Variants in FRMD3 observed in about 807,000 individuals in gnomAD.
FRMD3 encodes FERM domain containing 3.
FRMD3 carries 33 observed loss-of-function variants against 70.2 expected under a neutral mutation model. The observed-to-expected ratio is 0.47, with a 90% CI of 0.36 to 0.63. The LOEUF (loss-of-function observed/expected upper bound fraction) is 0.63. Ranked by LOEUF, FRMD3 falls within the 20% of genes least tolerant of loss-of-function variation. The probability of loss-of-function intolerance (pLI) is 0.00; values close to 1 mark genes in which losing one functional copy is unlikely to be tolerated. For missense variants in FRMD3, 632 were observed against 711.4 expected, an observed-to-expected ratio of 0.89 and a Z score of 1.27; for synonymous variants, 279 against 255.9, an observed-to-expected ratio of 1.09 and a Z score of -0.86.
intron 6 of FRMD3, among the ~76,000 whole-genome samples, chr9:83,320,091 A>G (rs1835736891): frequency 6.6e-6 from 1 of 152,228 alleles, no homozygotes; most frequent in Admixed American, 6.5e-5. Flanking sequence ...TAGAAACCAT[A>G]CCATCAGCAA....
intron 1 of FRMD3, among the ~76,000 whole-genome samples, chr9:83,513,575 T>C (rs1829386953): frequency 6.6e-6 from 1 of 152,232 alleles, no homozygotes; most frequent in African/African-American, 2.4e-5. Flanking sequence ...GTCCTTTATT[T>C]CTTCATACAA....
chr9:83,299,090 A>G, intron 11 of FRMD3, 22 bp downstream of exon 11: 1 of 1,555,594 alleles, frequency 6.4e-7, no homozygotes, highest in East Asian at 2.2e-5. Context: ...CCCCTCACTG[A>G]AATGGAACCA....
At chr9:83,418,560 T>A (rs1480269421) in intron 1 of FRMD3, among the ~76,000 whole-genome samples, 1 of 152,118 alleles carries the variant, frequency 6.6e-6, no homozygotes, top group Non-Finnish European at 1.5e-5. Flanking sequence ...GGAATGCAGA[T>A]TAAAACCACA....
chr9:83,313,451 A>G (rs566203935), intron 7 of FRMD3, among the ~76,000 whole-genome samples: 1 of 152,308 alleles, frequency 6.6e-6, no homozygotes, highest in East Asian at 1.9e-4. Context: ...TGGCTACTAC[A>G]TGGCAATCAA....
chr9:83,417,510 T>C (rs899491157), intron 1 of FRMD3, among the ~76,000 whole-genome samples: 1 of 152,236 alleles, frequency 6.6e-6, no homozygotes, highest in Non-Finnish European at 1.5e-5. Context: ...TATTTTCCTA[T>C]GTTTCCTATA....
rs112255387 is a variant in FRMD3 at position 83,312,733 on chromosome 9, G to A, written c.685-758C>T. Among the ~76,000 whole-genome samples the A allele has an allele frequency of 8.7e-3, 1,319 of 152,074 alleles. 17 individuals are homozygous for A. Among genetic ancestry groups the A allele is most frequent in the African/African-American group, 0.029 (1,216 of 41,456 alleles). ...GAAACACCTGGGTAGCCTGGTCGCC[G>A]CACCCACCACTCCCCCTCCGCCGCC... On this transcript the variant is annotated intron_variant, in intron 7 of 13. Coordinates refer to ENST00000304195, the MANE Select transcript of FRMD3 (RefSeq NM_174938.6).
In FRMD3 at chr9:83,483,294, G is replaced by C. The variant is rs151111701; in HGVS notation, c.147+54791C>G. ...CTTTGCCCTTCTGCCATGACTGTAA[G>C]TTTCCTAAGGCCTTCCCAACCAGGC... is the stretch of plus-strand genomic sequence containing the variant. On this transcript the variant is annotated intron_variant, in intron 1 of 13. Coordinates refer to ENST00000304195, the MANE Select transcript of FRMD3 (RefSeq NM_174938.6). 1.6e-3 allele frequency among the ~76,000 whole-genome samples: 247 copies of C among 152,234 alleles called. 1 individual carries two copies. The highest frequency in any genetic ancestry group is 5.6e-3 in the African/African-American group (233 of 41,544).
the FRMD3 span, among the ~76,000 whole-genome samples, chr9:83,554,856 T>A: frequency 1.6e-3 from 245 of 152,190 alleles, 1 homozygote; most frequent in African/African-American, 5.7e-3. Flanking sequence ...CACAGTCTGG[T>A]CACTTTTCTG....
intron 1 of FRMD3, among the ~76,000 whole-genome samples, chr9:83,417,522 G>T (rs1260975192): frequency 6.6e-6 from 1 of 152,084 alleles, no homozygotes; most frequent in Non-Finnish European, 1.5e-5. Flanking sequence ...TTTCCTATAT[G>T]GAAACAGTTC....
chr9:83,367,636 G>T (rs1014170838), intron 3 of FRMD3, among the ~76,000 whole-genome samples: 1 of 152,192 alleles, frequency 6.6e-6, no homozygotes, highest in Non-Finnish European at 1.5e-5. Context: ...CCTAATTAAG[G>T]CTTGAGGAAT....
the FRMD3 span, among the ~76,000 whole-genome samples, chr9:83,555,618 T>A: frequency 6.6e-6 from 1 of 152,186 alleles, no homozygotes; most frequent in Non-Finnish European, 1.5e-5. Flanking sequence ...TGAAGTGTCA[T>A]GGAATTAGGG....
rs1554713917 is a variant in FRMD3, at chr9:83,507,736, A to ATATATATCTATC, written c.147+30348_147+30349insGATAGATATATA. ...TATATATATATATATATATATATAT[A>ATATATATCTATC]TATCTTCTGGAATATTTCCTGAAGG... On this transcript the variant is annotated intron_variant, in intron 1 of 13. Coordinates refer to ENST00000304195, the MANE Select transcript of FRMD3 (RefSeq NM_174938.6). Among the ~76,000 whole-genome samples the ATATATATCTATC allele has an allele frequency of 9.5e-4, 84 of 88,688 alleles. 5 individuals are homozygous for ATATATATCTATC. Among genetic ancestry groups the ATATATATCTATC allele is most frequent in the Non-Finnish European group, 1.4e-3 (58 of 42,238 alleles). The allele number at this position is 88,688 out of a possible 152,430, so 58.2% of individuals were successfully genotyped here. A position where few individuals can be genotyped will look rare whatever the true frequency, so the allele number is the denominator to read the frequency against.
At chr9:83,307,964 T>C (rs966097172) in intron 10 of FRMD3, among the ~76,000 whole-genome samples, 1 of 152,202 alleles carries the variant, frequency 6.6e-6, no homozygotes, top group African/African-American at 2.4e-5. Context: ...GAAGGCCAAC[T>C]GGTCTCCTTC....
chr9:83,376,941 G>A (rs73648541), intron 2 of FRMD3, among the ~76,000 whole-genome samples: 4,986 of 130,550 alleles, frequency 0.038, 260 homozygotes, highest in African/African-American at 0.13. Context: ...ACCGGCACCC[G>A]TTATTAAGAA....
chr9:83,463,030 G>T (rs1014983387), intron 1 of FRMD3, among the ~76,000 whole-genome samples: 3 of 152,124 alleles, frequency 2.0e-5, no homozygotes, highest in Non-Finnish European at 4.4e-5. Flanking sequence ...CCCTAATCTT[G>T]CTAGATTGCA....
chr9:83,533,022 CCT>C (rs980376755), intron 1 of FRMD3, among the ~76,000 whole-genome samples: 1 of 152,096 alleles, frequency 6.6e-6, no homozygotes, highest in Non-Finnish European at 1.5e-5. Context: ...CTGAAGTTGC[CCT>C]CTCTCTGGAC....
intron 1 of FRMD3, among the ~76,000 whole-genome samples, chr9:83,512,438 G>A (rs146593823): frequency 1.1e-3 from 169 of 152,318 alleles, no homozygotes; most frequent in Middle Eastern, 3.4e-3. Context: ...GAGTGGCTGG[G>A]AGTATCACTT....
At position 83,298,789 on chromosome 9, in the gene FRMD3, C is replaced by T. The variant is rs1483430223; in HGVS notation, c.1029G>A (p.Glu343=). The change falls in exon 12 of 14, where the codon GAG becomes GAA. Residue 343 remains glutamate (E), a synonymous_variant. Transcript: ENST00000304195. ...YSGKVAKEVV[E]ASSKIQREPP... ...GCTCCCTCTGGATCTTGGAACTGGC[C>T]TCCACCACCTCTTTGGCAACTTTCC... 1 of 1,614,240 alleles carries T rather than the reference C, an allele frequency of 6.2e-7. No homozygotes were observed. The highest frequency in any genetic ancestry group is 1.7e-5 in the Admixed American group (1 of 60,034).
At chr9:83,498,974 C>A (rs1829004604) in intron 1 of FRMD3, among the ~76,000 whole-genome samples, 2 of 152,056 alleles carry the variant, frequency 1.3e-5, no homozygotes, top group African/African-American at 4.8e-5. Context: ...GGCATGTTTG[C>A]AAAATGAGTA....
Sources: gnomAD v4.1 joint callset for allele counts (sites outside exome capture counted in the v4.1 genomes callset) on GRCh38, gnomAD v4.1.1 for gene constraint, MANE v1.5 for transcripts, NCBI Gene and HGNC (gene_info 2026-07-23, HGNC 2026-07-21) for gene names.